Variants in EFNA4 observed in about 807,000 individuals in gnomAD.
The protein encoded by EFNA4 is ephrin-A4.
EFNA4 carries 22 observed loss-of-function variants against 23.7 expected under a neutral mutation model. That is an observed-to-expected ratio of 0.93 (90% CI 0.66 to 1.32). EFNA4 has a LOEUF of 1.32. Ranked by LOEUF, EFNA4 falls within the 40% of genes most tolerant of loss-of-function variation. The probability of loss-of-function intolerance (pLI) is 0.00; values close to 1 mark genes in which losing one functional copy is unlikely to be tolerated. For missense variants in EFNA4, 252 were observed against 252.3 expected (o/e 1.00, Z 0.01); for synonymous variants, 113 against 108.3 (o/e 1.04, Z -0.27).
Position 155,069,032 on chromosome 1 carries a change from C to T in EFNA4, c.*43C>T. On this transcript the variant is annotated 3_prime_UTR_variant, in exon 4 of 4. Transcript: ENST00000368409. ...TCTCATCCCAAGGAGCCAGAGTCCT[C>T]CCAAGATCCCCTGGAGGAGGAGGGA... The T allele has an allele frequency of 2.5e-6, 4 of 1,612,308 alleles. No homozygotes were observed. Among genetic ancestry groups the T allele is most frequent in the Non-Finnish European group, 3.4e-6 (4 of 1,179,108 alleles).
intron 1 of EFNA4, among the ~76,000 whole-genome samples, chr1:155,065,716 ATT>A (rs1276509115): frequency 1.5e-5 from 2 of 133,342 alleles, no homozygotes; most frequent in South Asian, 2.4e-4. Context: ...TTATTTATTT[ATT>A]TATTTATTTA....
At chr1:155,067,932 T>A (rs1425027951) in intron 3 of EFNA4, among the ~76,000 whole-genome samples, 1 of 151,798 alleles carries the variant, frequency 6.6e-6, no homozygotes, top group Non-Finnish European at 1.5e-5. Flanking sequence ...CCCCACTTCT[T>A]TTTTAAGAGA....
intron 1 of EFNA4, among the ~76,000 whole-genome samples, chr1:155,065,848 T>C (rs1021203926): frequency 1.3e-5 from 2 of 152,022 alleles, no homozygotes; most frequent in African/African-American, 4.8e-5. Context: ...TTCTCCTGCC[T>C]CAACCTCCCA....
Position 155,069,169 on chromosome 1 carries a change from G to T in EFNA4, c.*180G>T. Reference sequence around the variant, plus strand: ...GCAGGAGCCTGTCCCCTCATCACAGGCTAAAGAAGAGCAGTAGACAGCCCT... The same window carrying T: ...GCAGGAGCCTGTCCCCTCATCACAGTCTAAAGAAGAGCAGTAGACAGCCCT... On this transcript the variant is annotated 3_prime_UTR_variant, in exon 4 of 4. Coordinates refer to ENST00000368409, the MANE Select transcript of EFNA4 (RefSeq NM_005227.3). 6.2e-7 allele frequency: 1 copy of T among 1,604,620 alleles called. No homozygotes were observed. Among genetic ancestry groups the T allele is most frequent in the Non-Finnish European group, 8.5e-7 (1 of 1,177,440 alleles).
rs1663053295 is a variant in EFNA4, at chr1:155,066,710, C to A, written c.114-20C>A. On this transcript the variant is annotated intron_variant, in intron 1 of 3. Transcript: ENST00000368409. ...GTGGTGCCCTCCACTCCTCAGCCCA[C>A]CCCTGCGTTATGCCTGCAGGTTGCT... is the stretch of plus-strand genomic sequence containing the variant. 3.2e-6 allele frequency: 5 copies of A among 1,562,326 alleles called. No individual in the cohort carries two copies. The highest frequency in any genetic ancestry group is 2.7e-5 in the African/African-American group (2 of 73,142).
At chr1:155,065,744 ATTTT>A (rs1553267494) in intron 1 of EFNA4, among the ~76,000 whole-genome samples, 1 of 94,634 alleles carries the variant, frequency 1.1e-5, no homozygotes, top group Non-Finnish European at 2.2e-5. Context: ...TTATTTATTT[ATTTT>A]TTGAGATGGA....
At chr1:155,065,182 T>G (rs937259673) in intron 1 of EFNA4, among the ~76,000 whole-genome samples, 1 of 152,214 alleles carries the variant, frequency 6.6e-6, no homozygotes, top group African/African-American at 2.4e-5. Flanking sequence ...GCCCTGTCCT[T>G]GCTCAGCTTG....
intron 1 of EFNA4, among the ~76,000 whole-genome samples, chr1:155,064,574 T>C (rs1033976156): frequency 6.6e-6 from 1 of 152,190 alleles, no homozygotes; most frequent in Non-Finnish European, 1.5e-5. Flanking sequence ...AGTGAGGTCA[T>C]GTATGTGAAA....
chr1:155,063,769 G>C lies in EFNA4; in HGVS notation c.-55G>C. 1 of 1,429,864 alleles carries C rather than the reference G, an allele frequency of 7.0e-7. No individual in the cohort carries two copies. The allele number at this position is 1,429,864 out of a possible 1,614,324, so 88.6% of individuals were successfully genotyped here. The stretch of plus-strand genomic sequence containing the variant: ...CTTCACTTTGTACCTTTCTCTCCTC[G>C]ACTGTGAAGCGGGCCGGGACCTGCC... On this transcript the variant is annotated 5_prime_UTR_variant, in exon 1 of 4. Transcript: ENST00000368409. This position sits in a 1 kb window ranked among gnomAD's most constrained non-coding sequence, Gnocchi z 4.1.
Position 155,067,424 on chromosome 1 carries a change from C to T in EFNA4, c.453C>T (p.Val151=), listed in dbSNP as rs746489131. ...SGQCLRLQVS[V]CCKERKSESA... ...AGTGCTTGAGGCTCCAGGTGTCTGTCTGCTGCAAGGAGAGGAGTAAGTGGG... is the reference window on the plus strand; with the variant it reads ...AGTGCTTGAGGCTCCAGGTGTCTGTTTGCTGCAAGGAGAGGAGTAAGTGGG... The change falls in exon 3 of 4, where the codon GTC becomes GTT. Residue 151 remains valine (V), a synonymous_variant. Transcript: ENST00000368409. 1.2e-6 allele frequency: 2 copies of T among 1,614,190 alleles called. No homozygotes were observed. The highest frequency in any genetic ancestry group is 2.2e-5 in the South Asian group (2 of 91,084).
At chr1:155,067,517 G>GATCCCCCT in intron 3 of EFNA4, 77 bp downstream of exon 3, 1 of 1,539,626 alleles carries the variant, frequency 6.5e-7, no homozygotes, top group Non-Finnish European at 9.0e-7. Context: ...GAAGAATCTA[G>GATCCCCCT]GAGGATCAGA....
At chr1:155,064,992 T>A (rs964002260) in intron 1 of EFNA4, among the ~76,000 whole-genome samples, 1 of 152,206 alleles carries the variant, frequency 6.6e-6, no homozygotes, top group Non-Finnish European at 1.5e-5. Context: ...GAATTCTCTA[T>A]CTCTGTCACA....
chr1:155,063,822 C>T lies in EFNA4; in HGVS notation c.-2C>T. ...GCCAGACCAAACCGGACCTCGGGGG[C>T]GATGCGGCTGCTGCCCCTGCTGCGG... On this transcript the variant is annotated 5_prime_UTR_variant, in exon 1 of 4. Transcript: ENST00000368409. This position sits in a 1 kb window ranked among gnomAD's most constrained non-coding sequence, Gnocchi z 4.1. 3 of 1,521,930 alleles carry T rather than the reference C, an allele frequency of 2.0e-6. No individual in the cohort carries two copies. The highest frequency in any genetic ancestry group is 2.7e-5 in the East Asian group (1 of 36,958). 94.3% of individuals were successfully genotyped at this position (1,521,930 alleles called of 1,614,324 possible). A position where few individuals can be genotyped will look rare whatever the true frequency, so the allele number is the denominator to read the frequency against.
intron 3 of EFNA4, among the ~76,000 whole-genome samples, chr1:155,068,105 A>G (rs1663094192): frequency 6.6e-6 from 1 of 151,726 alleles, no homozygotes. Flanking sequence ...ATTACTTTTT[A>G]TTTTTTGTAG....
rs1455877691 is a variant in EFNA4 at position 155,068,983 on chromosome 1, T to G, written c.600T>G (p.Ile200Met). Residue 200 changes from isoleucine to methionine, a missense_variant, in exon 4 of 4, where the codon ATT (isoleucine) becomes ATG (methionine). Coordinates refer to ENST00000368409, the MANE Select transcript of EFNA4 (RefSeq NM_005227.3). ...TTCTGATTCTTCGTCTTCTGCGAAT[T>G]CTGTGAGCCAAGCAGACCTTCCCTC... is the stretch of plus-strand genomic sequence containing the variant. The part of the protein sequence containing the change: ...LLLLILRLLR[I>M]L The G allele has an allele frequency of 1.2e-6, 2 of 1,614,000 alleles. No individual in the cohort carries two copies. The highest frequency in any genetic ancestry group is 2.7e-5 in the African/African-American group (2 of 75,032).
rs1487072777 is a variant in EFNA4, at chr1:155,067,843, G to A, written c.469+403G>A. On this transcript the variant is annotated intron_variant, in intron 3 of 3. Transcript: ENST00000368409. ...TCACCGTGTTAGCCAGGATGGTCTCGATCTCCTGACCTTGTGATCTGCCCA... is the reference window on the plus strand; with the variant it reads ...TCACCGTGTTAGCCAGGATGGTCTCAATCTCCTGACCTTGTGATCTGCCCA... Among the ~76,000 whole-genome samples the A allele has an allele frequency of 2.0e-5, 3 of 151,964 alleles. No individual in the cohort carries two copies. In the East Asian group the frequency reaches 5.8e-4, roughly 29 times the overall value.
At chr1:155,067,047 T>C (rs930872409) in intron 2 of EFNA4, 31 bp downstream of exon 2, 10 of 1,571,908 alleles carry the variant, frequency 6.4e-6, no homozygotes, top group Middle Eastern at 1.7e-4. Flanking sequence ...TGGACACCTC[T>C]TGTGTACCAG....
At chr1:155,066,233 T>C (rs983117356) in intron 1 of EFNA4, among the ~76,000 whole-genome samples, 5 of 152,226 alleles carry the variant, frequency 3.3e-5, no homozygotes, top group Non-Finnish European at 5.9e-5. Context: ...TAAAGGACAG[T>C]GTTCCTCACT....
chr1:155,067,274 A>G (rs995772215), intron 2 of EFNA4, 98 bp from the exon 3 acceptor site: 9 of 1,411,770 alleles, frequency 6.4e-6, no homozygotes, highest in African/African-American at 1.4e-5. Context: ...CTTTCCAGGG[A>G]CCTGGAGAGA....
Sources: gnomAD v4.1 joint callset for allele counts (sites outside exome capture counted in the v4.1 genomes callset) on GRCh38, gnomAD v4.1.1 for gene constraint, Gnocchi (gnomAD v3.1) non-coding constraint, MANE v1.5 for transcripts, NCBI Gene and HGNC (gene_info 2026-07-23, HGNC 2026-07-21) for gene names.